Variants in APBB1IP observed in about 807,000 individuals in gnomAD.
APBB1IP encodes amyloid beta precursor protein binding family B member 1 interacting protein.
APBB1IP carries 27 observed loss-of-function variants against 64.9 expected under a neutral mutation model. That is an observed-to-expected ratio of 0.42 (90% CI 0.31 to 0.57). The LOEUF is 0.57. Among genes scored for constraint, APBB1IP ranks in the 20% least tolerant of loss-of-function variants. APBB1IP has a pLI of 0.20. For missense variants in APBB1IP, 812 were observed against 845.5 expected, an observed-to-expected ratio of 0.96 and a Z score of 0.49; for synonymous variants, 392 against 331.0, an observed-to-expected ratio of 1.18 and a Z score of -2.00.
chr10:26,556,658 A>C (rs1229026641), intron 11 of APBB1IP, among the ~76,000 whole-genome samples: 1 of 152,242 alleles, frequency 6.6e-6, no homozygotes. Context: ...CTATATAAGC[A>C]GTTGCTTTGT....
In APBB1IP at chr10:26,482,561, C is replaced by G. The variant is rs190599038; in HGVS notation, c.1-9766C>G. Among the ~76,000 whole-genome samples, 10 of 152,326 alleles carry G rather than the reference C, an allele frequency of 6.6e-5. No individual in the cohort carries two copies. In the East Asian group the frequency reaches 1.9e-3, roughly 29 times the overall value. On this transcript the variant is annotated intron_variant, in intron 2 of 14. Transcript: ENST00000376236. ...CCGAATTCTGTAGTGCGTATTTCAT[C>G]CTAAGGGCAATCCCATTCATAAGCT...
intron 2 of APBB1IP, among the ~76,000 whole-genome samples, chr10:26,475,683 A>G (rs1365173453): frequency 1.3e-5 from 2 of 152,206 alleles, no homozygotes; most frequent in Non-Finnish European, 2.9e-5. Flanking sequence ...CTAAGAAAAG[A>G]GTGATATTAT....
chr10:26,492,740 A>G (rs1195685352), intron 3 of APBB1IP, among the ~76,000 whole-genome samples: 3 of 152,302 alleles, frequency 2.0e-5, no homozygotes, highest in African/African-American at 2.4e-5. Context: ...CAGAGATCAC[A>G]TGCTTCAAGG....
At chr10:26,497,941 G>A (rs1458004419) in intron 4 of APBB1IP, among the ~76,000 whole-genome samples, 1 of 151,734 alleles carries the variant, frequency 6.6e-6, no homozygotes, top group Admixed American at 6.6e-5. Flanking sequence ...TGGCTAGGCT[G>A]GTCTCGAACT....
chr10:26,477,210 G>A (rs1399739085), intron 2 of APBB1IP, among the ~76,000 whole-genome samples: 1 of 152,192 alleles, frequency 6.6e-6, no homozygotes, highest in Non-Finnish European at 1.5e-5. Flanking sequence ...CAGAGGTGAG[G>A]CTGTGTCCTC....
chr10:26,566,597 G>A (rs543106002), intron 14 of APBB1IP, among the ~76,000 whole-genome samples: 1 of 152,216 alleles, frequency 6.6e-6, no homozygotes, highest in Non-Finnish European at 1.5e-5. Context: ...TAATTTTAAA[G>A]ACCATTTAGA....
chr10:26,458,597 T>G (rs982865340), intron 2 of APBB1IP, among the ~76,000 whole-genome samples: 1 of 152,212 alleles, frequency 6.6e-6, no homozygotes, highest in Non-Finnish European at 1.5e-5. Flanking sequence ...TTATTTGCCT[T>G]TTATATCAGA....
intron 8 of APBB1IP, among the ~76,000 whole-genome samples, chr10:26,515,579 T>C (rs1836316042): frequency 6.6e-6 from 1 of 152,222 alleles, no homozygotes; most frequent in Non-Finnish European, 1.5e-5. Flanking sequence ...GGGCCACCAC[T>C]TTGCATAACT....
At chr10:26,460,483 T>G (rs1231698170) in intron 2 of APBB1IP, among the ~76,000 whole-genome samples, 2 of 152,130 alleles carry the variant, frequency 1.3e-5, no homozygotes, top group African/African-American at 4.8e-5. Context: ...GGATGTTATA[T>G]TTTTGCATGC....
chr10:26,526,510 G>GT (rs11450453), intron 8 of APBB1IP, among the ~76,000 whole-genome samples: 34,905 of 151,880 alleles, frequency 0.23, 4,636 homozygotes, highest in Middle Eastern at 0.3. Context: ...CACGAAGTCA[G>GT]GAGATCAAGA....
At chr10:26,511,133 G>C (rs1836253689) in intron 6 of APBB1IP, among the ~76,000 whole-genome samples, 1 of 152,052 alleles carries the variant, frequency 6.6e-6, no homozygotes, top group Non-Finnish European at 1.5e-5. Flanking sequence ...TTGAAGTCAG[G>C]AGTTCAAGAC....
At chr10:26,490,254 C>A (rs1158158904) in intron 2 of APBB1IP, among the ~76,000 whole-genome samples, 1 of 152,182 alleles carries the variant, frequency 6.6e-6, no homozygotes, top group Non-Finnish European at 1.5e-5. Context: ...TTTGCCTCCA[C>A]TTGGCCTATT....
chr10:26,558,665 G>A (rs758056697), intron 11 of APBB1IP, among the ~76,000 whole-genome samples: 80 of 151,438 alleles, frequency 5.3e-4, no homozygotes, highest in Non-Finnish European at 9.7e-4. Context: ...TGGTCCCAGC[G>A]ACAGAGGAGG....
chr10:26,503,083 A>C, intron 5 of APBB1IP, 114 bp from the exon 6 acceptor site: 2 of 928,648 alleles, frequency 2.2e-6, no homozygotes, highest in Non-Finnish European at 3.2e-6. Flanking sequence ...CAAGCATGTG[A>C]AATTTGGTAC....
In APBB1IP at chr10:26,560,750, T is replaced by C. The variant is rs766373559; in HGVS notation, c.1275T>C (p.Asp425=). Residue 425 remains aspartate (D), a synonymous_variant, in exon 13 of 15, where the codon GAT becomes GAC. Transcript: ENST00000376236. ...RIAKYGKTLY[D]NYQRAVAKAG... is the part of the protein sequence containing the mutation. The stretch of plus-strand genomic sequence containing the variant: ...CCCAGTATGGGAAGACTCTCTATGA[T>C]AACTACCAGCGGGCTGTGGCAAAGG... 17 of 1,600,132 alleles carry C rather than the reference T, an allele frequency of 1.1e-5. 1 individual carries two copies. Among genetic ancestry groups the C allele is most frequent in the Non-Finnish European group, 1.2e-5 (14 of 1,173,004 alleles).
At chr10:26,564,395 AG>A (rs1185758772) in intron 14 of APBB1IP, among the ~76,000 whole-genome samples, 1 of 152,228 alleles carries the variant, frequency 6.6e-6, no homozygotes. Flanking sequence ...TTTACTTTTC[AG>A]AACTCACATA....
intron 2 of APBB1IP, among the ~76,000 whole-genome samples, chr10:26,457,506 A>G (rs1457474560): frequency 6.6e-6 from 1 of 151,998 alleles, no homozygotes; most frequent in Non-Finnish European, 1.5e-5. Context: ...GCACTGTTCA[A>G]CTCCTAACTC....
intron 2 of APBB1IP, among the ~76,000 whole-genome samples, chr10:26,465,309 C>A (rs111290479): frequency 6.6e-6 from 1 of 152,168 alleles, no homozygotes; most frequent in Non-Finnish European, 1.5e-5. Context: ...CATGAATGTG[C>A]TCAGATCTTA....
intron 3 of APBB1IP, 74 bp downstream of exon 3, chr10:26,492,472 G>A: frequency 7.3e-7 from 1 of 1,377,646 alleles, no homozygotes; most frequent in Non-Finnish European, 1.0e-6. Context: ...ATATGACAAG[G>A]GAGCTGTCTT....
Sources: allele counts gnomAD v4.1 joint callset (sites outside exome capture counted in the v4.1 genomes callset), GRCh38; gene constraint gnomAD v4.1.1; transcripts MANE v1.5; gene names NCBI Gene and HGNC (gene_info 2026-07-23, HGNC 2026-07-21).